Variants in NCOR1 observed in about 807,000 individuals in gnomAD.
NCOR1 encodes the protein protein phosphatase 1, regulatory subunit 109.
In NCOR1, 63 loss-of-function variants were observed where a neutral mutation model predicts 288.1. The observed-to-expected ratio is 0.22, with a 90% confidence interval of 0.18 to 0.27. The LOEUF (loss-of-function observed/expected upper bound fraction) is 0.27, where lower values mean the gene tolerates loss of function less well. Among genes scored for constraint, NCOR1 ranks in the 10% least tolerant of loss-of-function variants. The pLI, the probability that NCOR1 is intolerant of heterozygous loss-of-function variation, is 1.00. For synonymous variants in NCOR1, 1,007 were observed against 1,065.9 expected, an observed-to-expected ratio of 0.94 and a Z score of 1.08; for missense variants, 2,397 against 3,019.2, an observed-to-expected ratio of 0.79 and a Z score of 4.83.
At chr17:16,146,912 A>G (rs1421552204) in intron 9 of NCOR1, among the ~76,000 whole-genome samples, 1 of 152,252 alleles carries the variant, frequency 6.6e-6, no homozygotes, top group African/African-American at 2.4e-5. Context: ...TAAATAGTTC[A>G]TAATCTGACC....
intron 14 of NCOR1, among the ~76,000 whole-genome samples, chr17:16,127,586 T>TATATGTATGTATACACACATATGTGC (rs1568206387): frequency 7.6e-6 from 1 of 132,432 alleles, no homozygotes; most frequent in Non-Finnish European, 1.6e-5. Flanking sequence ...TACATATGTG[T>TATATGTATGTATACACACATATGTGC]ATATATGTAT....
intron 3 of NCOR1, among the ~76,000 whole-genome samples, chr17:16,184,418 T>A (rs538426511): frequency 6.6e-6 from 1 of 152,292 alleles, no homozygotes; most frequent in East Asian, 1.9e-4. Flanking sequence ...GAATAGACAT[T>A]TCTCAAAAGA....
chr17:16,140,768 C>T (rs568102497), intron 11 of NCOR1, among the ~76,000 whole-genome samples: 52 of 152,148 alleles, frequency 3.4e-4, no homozygotes, highest in African/African-American at 9.9e-4. Context: ...GAGCCAAGAT[C>T]GTGCCACTGC....
chr17:16,063,640 ATCATG>A (rs1374820955), intron 35 of NCOR1, among the ~76,000 whole-genome samples: 2 of 152,162 alleles, frequency 1.3e-5, no homozygotes, highest in Non-Finnish European at 2.9e-5. Flanking sequence ...TGTCCCTCTG[ATCATG>A]TCACCTGCCT....
At chr17:16,071,723 CG>C (rs1567835117) in intron 29 of NCOR1, 58 bp from the exon 30 acceptor site, 4 of 1,479,636 alleles carry the variant, frequency 2.7e-6, no homozygotes, top group Non-Finnish European at 9.2e-7. Flanking sequence ...AACAATGCCA[CG>C]GAACTGTGCA....
chr17:16,137,406 G>C lies in NCOR1; in HGVS notation c.1414C>G (p.Pro472Ala), dbSNP rs753542722. The change falls in exon 14 of 46, where the codon CCT becomes GCT. Residue 472 changes from proline to alanine, a missense_variant. Transcript: ENST00000268712. Reference protein sequence around the residue: ...IASYLERKSVPDCVLYYYLTK... With the variant: ...IASYLERKSVADCVLYYYLTK... ...AAATAGTAATACAAAACACAATCAG[G>C]AACACTCTGTAAGAAATAAAACAAT... is the stretch of plus-strand genomic sequence containing the variant. The C allele has an allele frequency of 3.3e-6, 5 of 1,513,380 alleles. No homozygotes were observed. The Admixed American group carries it at 9.2e-5, about 28-fold the overall frequency. The allele number at this position is 1,513,380 out of a possible 1,614,324, so 93.7% of individuals were successfully genotyped here.
chr17:16,170,472 T>C (rs2082919670), intron 4 of NCOR1, among the ~76,000 whole-genome samples: 1 of 152,224 alleles, frequency 6.6e-6, no homozygotes, highest in African/African-American at 2.4e-5. Context: ...CAAATATTTA[T>C]TCTGTATCTA....
At chr17:16,095,491 G>A (rs2066333726) in intron 21 of NCOR1, among the ~76,000 whole-genome samples, 1 of 141,518 alleles carries the variant, frequency 7.1e-6, no homozygotes, top group African/African-American at 2.6e-5. Flanking sequence ...AGGGAGGTAG[G>A]GGGGTCAGCC....
Position 16,061,932 on chromosome 17 carries a change from G to A in NCOR1, c.5388-38C>T, listed in dbSNP as rs763338913. The A allele has an allele frequency of 5.7e-6, 9 of 1,572,856 alleles. No homozygotes were observed. The Admixed American group carries it at 1.8e-4, about 31-fold the overall frequency. ...CCAAATCACAGCTCTGTGAAGGGAAGACCATTTGCTGGGAATGTGGTGGGG... is the reference window on the plus strand; with the variant it reads ...CCAAATCACAGCTCTGTGAAGGGAAAACCATTTGCTGGGAATGTGGTGGGG... On this transcript the variant is annotated intron_variant, in intron 36 of 45. Coordinates refer to ENST00000268712, the MANE Select transcript of NCOR1 (RefSeq NM_006311.4).
At chr17:16,212,049 G>T (rs536943152) in intron 1 of NCOR1, among the ~76,000 whole-genome samples, 1 of 151,958 alleles carries the variant, frequency 6.6e-6, no homozygotes, top group African/African-American at 2.4e-5. Flanking sequence ...AGGCCAAGGC[G>T]GGTAGATCAT....
At chr17:16,181,211 A>ATGTATGTG (rs758395387) in intron 3 of NCOR1, among the ~76,000 whole-genome samples, 36 of 139,578 alleles carry the variant, frequency 2.6e-4, no homozygotes, top group East Asian at 6.7e-4. Context: ...ATATATATGT[A>ATGTATGTG]TGTGTGTGTG....
chr17:16,179,500 C>T (rs1018303174), intron 3 of NCOR1, among the ~76,000 whole-genome samples: 2 of 152,052 alleles, frequency 1.3e-5, no homozygotes, highest in African/African-American at 4.8e-5. Flanking sequence ...AAGAAAACTC[C>T]AGTATCTGAA....
chr17:16,064,021 T>C, intron 35 of NCOR1, 47 bp downstream of exon 35: 1 of 1,605,114 alleles, frequency 6.2e-7, no homozygotes, highest in Non-Finnish European at 8.5e-7. Flanking sequence ...GTGTACAAGA[T>C]TACTAAGATG....
At chr17:16,211,515 G>A (rs1328320708) in intron 1 of NCOR1, among the ~76,000 whole-genome samples, 1 of 152,128 alleles carries the variant, frequency 6.6e-6, no homozygotes, top group African/African-American at 2.4e-5. Context: ...TTATAGGCAT[G>A]AGCCACTGTG....
chr17:16,063,461 G>A (rs1007475488), intron 35 of NCOR1, among the ~76,000 whole-genome samples: 1 of 152,146 alleles, frequency 6.6e-6, no homozygotes, highest in African/African-American at 2.4e-5. Flanking sequence ...GGGATTATAG[G>A]CATGAGCCAC....
chr17:16,117,799 G>C, intron 18 of NCOR1, 89 bp downstream of exon 18: 1 of 1,383,276 alleles, frequency 7.2e-7, no homozygotes. Flanking sequence ...TCTAGCCTGG[G>C]TGATAGAGTG....
intron 26 of NCOR1, among the ~76,000 whole-genome samples, chr17:16,079,693 C>T (rs2063101128): frequency 6.6e-6 from 1 of 152,234 alleles, no homozygotes; most frequent in South Asian, 2.1e-4. Context: ...TCCAGGAAGA[C>T]AATAAGAGCT....
At chr17:16,156,019 A>C (rs1423382279) in intron 6 of NCOR1, among the ~76,000 whole-genome samples, 3 of 152,208 alleles carry the variant, frequency 2.0e-5, no homozygotes, top group African/African-American at 7.2e-5. Context: ...GAGGCCAGGC[A>C]TGGGGGCTCA....
intron 14 of NCOR1, among the ~76,000 whole-genome samples, chr17:16,136,081 C>T (rs1467785222): frequency 1.3e-5 from 2 of 152,210 alleles, no homozygotes; most frequent in Non-Finnish European, 2.9e-5. Flanking sequence ...ATGGCAGCTG[C>T]TGATCAGTTA....
Sources: allele counts gnomAD v4.1 joint callset (sites outside exome capture counted in the v4.1 genomes callset), GRCh38; gene constraint gnomAD v4.1.1; transcripts MANE v1.5; gene names NCBI Gene and HGNC (gene_info 2026-07-23, HGNC 2026-07-21).